SLC4A4: variants seen among roughly 807,000 people sequenced by gnomAD.
SLC4A4 encodes solute carrier family 4 member 4, also known as electrogenic sodium bicarbonate cotransporter 1.
A neutral mutation model predicts 111.5 loss-of-function variants in SLC4A4; 27 were observed. The ratio of observed to expected loss-of-function variants is 0.24; its 90% CI spans 0.18 to 0.33. The LOEUF is 0.33. Ranked by LOEUF, SLC4A4 falls within the 10% of genes least tolerant of loss-of-function variation. The pLI is 1.00. For synonymous variants in SLC4A4, 443 were observed against 463.4 expected (o/e 0.96, Z 0.57); for missense variants, 909 against 1,315.5 (o/e 0.69, Z 4.78).
rs964184118 is a variant in SLC4A4 at position 71,075,695 on chromosome 4, C to G, written c.-65+12907C>G. ...ATCTGAAATAGCAATCACGGCCGGG[C>G]GCGGTGGCTCACGCCTGTAATCCCA... is the stretch of plus-strand genomic sequence containing the variant. On this transcript the variant is annotated intron_variant, in intron 1 of 26. Transcript: ENST00000649996. Among the ~76,000 whole-genome samples, 8 of 152,232 alleles carry G rather than the reference C, an allele frequency of 5.3e-5. No individual in the cohort carries two copies. The East Asian group carries it at 1.5e-3, about 29-fold the overall frequency.
At chr4:71,115,434 C>A (rs1335912640) in intron 2 of SLC4A4, among the ~76,000 whole-genome samples, 2 of 150,542 alleles carry the variant, frequency 1.3e-5, no homozygotes, top group East Asian at 2.0e-4. Context: ...AACAAAAAAC[C>A]CAGCTGAGCA....
chr4:71,390,227 A>C (rs116357559), intron 6 of SLC4A4, among the ~76,000 whole-genome samples: 4,029 of 152,256 alleles, frequency 0.026, 94 homozygotes, highest in Non-Finnish European at 0.039. Flanking sequence ...TTGTCAATCA[A>C]ACTCATTGTA....
chr4:71,369,517 A>G (rs1463355028), intron 6 of SLC4A4, among the ~76,000 whole-genome samples: 1 of 152,182 alleles, frequency 6.6e-6, no homozygotes, highest in Non-Finnish European at 1.5e-5. Context: ...GTCACTGGAG[A>G]TGAGGTCTCT....
intron 3 of SLC4A4, among the ~76,000 whole-genome samples, chr4:71,312,387 A>G (rs1466240417): frequency 6.6e-6 from 1 of 152,224 alleles, no homozygotes; most frequent in African/African-American, 2.4e-5. Context: ...ATTACAAACA[A>G]TAGAAGAAGA....
intron 7 of SLC4A4, among the ~76,000 whole-genome samples, chr4:71,438,919 T>A (rs1438573275): frequency 1.3e-5 from 2 of 152,164 alleles, no homozygotes; most frequent in South Asian, 2.1e-4. Context: ...ATAAGAAATT[T>A]GATGGAATCT....
At chr4:71,555,078 C>G in intron 20 of SLC4A4, 62 bp from the exon 21 acceptor site, 1 of 1,135,746 alleles carries the variant, frequency 8.8e-7, no homozygotes. Context: ...TTAAATGATT[C>G]CTCTTCATTC....
At chr4:71,538,099 T>TG in intron 18 of SLC4A4, among the ~76,000 whole-genome samples, 1 of 56,976 alleles carries the variant, frequency 1.8e-5, no homozygotes, top group Non-Finnish European at 5.0e-5. Context: ...GGTTGTTGAC[T>TG]AATATTTTTA....
In SLC4A4 at chr4:71,147,707, A is replaced by C. The variant is rs1340426730; in HGVS notation, c.-2+54915A>C. On this transcript the variant is annotated intron_variant, in intron 2 of 26. Coordinates refer to the SLC4A4 transcript ENST00000649996. Reference sequence around the variant, plus strand: ...AGAACACAGAATTAAAATCAGTAGGATCTCACGGTTGTCCAGGTAGGGTCT... The same window carrying C: ...AGAACACAGAATTAAAATCAGTAGGCTCTCACGGTTGTCCAGGTAGGGTCT... Among the ~76,000 whole-genome samples, 6 of 152,116 alleles carry C rather than the reference A, an allele frequency of 3.9e-5. No homozygotes were observed. The South Asian group carries it at 1.0e-3, about 26-fold the overall frequency.
chr4:71,290,073 T>C (rs539644120), intron 3 of SLC4A4, among the ~76,000 whole-genome samples: 31 of 152,278 alleles, frequency 2.0e-4, no homozygotes, highest in Middle Eastern at 6.8e-3. Flanking sequence ...TGGGAAAGTC[T>C]GCTGGGTTAG....
intron 3 of SLC4A4, among the ~76,000 whole-genome samples, chr4:71,286,920 A>AG (rs764139019): frequency 9.2e-5 from 14 of 151,726 alleles, no homozygotes; most frequent in Non-Finnish European, 2.1e-4. Flanking sequence ...AATTATTATG[A>AG]GTTTTTTTTT....
intron 14 of SLC4A4, among the ~76,000 whole-genome samples, chr4:71,486,590 C>A (rs532677375): frequency 6.6e-6 from 1 of 151,396 alleles, no homozygotes; most frequent in Non-Finnish European, 1.5e-5. Flanking sequence ...AGCCAGTGGT[C>A]AACTTAATCA....
chr4:71,496,368 A>G (rs186265232), intron 15 of SLC4A4, among the ~76,000 whole-genome samples: 1 of 152,226 alleles, frequency 6.6e-6, no homozygotes, highest in Admixed American at 6.6e-5. Flanking sequence ...TGAGAGAAGC[A>G]GTATAAGACA....
At chr4:71,174,156 C>A (rs888585667) in intron 2 of SLC4A4, among the ~76,000 whole-genome samples, 4 of 151,754 alleles carry the variant, frequency 2.6e-5, no homozygotes, top group Non-Finnish European at 4.4e-5. Context: ...AAGATGGAAC[C>A]AATTTCCTTT....
chr4:71,084,674 G>A (rs916921711), intron 1 of SLC4A4, among the ~76,000 whole-genome samples: 5 of 151,930 alleles, frequency 3.3e-5, no homozygotes, highest in Non-Finnish European at 5.9e-5. Flanking sequence ...TTGTCCTTGC[G>A]ATAGTTTGCT....
At chr4:71,371,432 C>T (rs1444713396) in intron 6 of SLC4A4, among the ~76,000 whole-genome samples, 8 of 151,812 alleles carry the variant, frequency 5.3e-5, no homozygotes, top group East Asian at 3.9e-4. Context: ...TTAGTAGAGA[C>T]GGGTTTTCGC....
chr4:71,220,353 G>A (rs769812283), intron 1 of SLC4A4, among the ~76,000 whole-genome samples: 8 of 152,038 alleles, frequency 5.3e-5, no homozygotes, highest in Admixed American at 2.0e-4. Flanking sequence ...TAGTATAAAC[G>A]TAACTTTTAT....
intron 3 of SLC4A4, among the ~76,000 whole-genome samples, chr4:71,326,231 G>A (rs1038575557): frequency 6.6e-6 from 1 of 151,796 alleles, no homozygotes; most frequent in Non-Finnish European, 1.5e-5. Context: ...TACTTAGGGG[G>A]CTGTTTCAAA....
chr4:71,282,316 G>A (rs1486290604), intron 3 of SLC4A4, among the ~76,000 whole-genome samples: 1 of 150,146 alleles, frequency 6.7e-6, no homozygotes, highest in African/African-American at 2.4e-5. Flanking sequence ...TTTTTGAGAT[G>A]GAGTTTTGCT....
At chr4:71,287,749 T>A (rs777530313) in intron 3 of SLC4A4, among the ~76,000 whole-genome samples, 1 of 152,216 alleles carries the variant, frequency 6.6e-6, no homozygotes, top group South Asian at 2.1e-4. Flanking sequence ...CTGGTTGTAG[T>A]CCAGTGATTA....
Sources: allele counts gnomAD v4.1 joint callset (sites outside exome capture counted in the v4.1 genomes callset), GRCh38; gene constraint gnomAD v4.1.1; transcripts MANE v1.5; gene names NCBI Gene and HGNC (gene_info 2026-07-23, HGNC 2026-07-21).